The following LRRTM3 variants were observed in gnomAD, a reference collection of about 807,000 sequenced individuals.
LRRTM3 encodes leucine rich repeat transmembrane neuronal 3.
LRRTM3 carries 24 observed loss-of-function variants against 44.7 expected under a neutral mutation model. That is an observed-to-expected ratio of 0.54 (90% CI 0.39 to 0.76). LRRTM3 has a LOEUF of 0.76. LRRTM3 is among the 30% of genes least tolerant of loss of function. The pLI is 0.00. For missense variants in LRRTM3, 587 were observed against 702.2 expected (o/e 0.84, Z 1.85); for synonymous variants, 277 against 278.7 (o/e 0.99, Z 0.06).
chr10:66,988,030 ATAATT>A (rs766888171), intron 2 of LRRTM3, among the ~76,000 whole-genome samples: 1 of 152,192 alleles, frequency 6.6e-6, no homozygotes. Flanking sequence ...TTTATTTAAT[ATAATT>A]TAGTCTTTTT....
chr10:67,025,122 ACT>A (rs889633051), intron 2 of LRRTM3, among the ~76,000 whole-genome samples: 3 of 121,066 alleles, frequency 2.5e-5, no homozygotes, highest in African/African-American at 9.1e-5. Context: ...CAAGAGCAAA[ACT>A]CTGTCAAAAA....
At chr10:66,957,089 A>T (rs1848832440) in intron 2 of LRRTM3, among the ~76,000 whole-genome samples, 1 of 152,168 alleles carries the variant, frequency 6.6e-6, no homozygotes, top group African/African-American at 2.4e-5. Flanking sequence ...TATCTATCAC[A>T]CATTTCCTGA....
In LRRTM3 at chr10:67,060,663, C is replaced by T. The variant is rs577011607; in HGVS notation, c.1537-36924C>T. Among the ~76,000 whole-genome samples the T allele has an allele frequency of 2.3e-4, 35 of 151,704 alleles. No homozygotes were observed. The South Asian group carries it at 7.1e-3, about 31-fold the overall frequency. ...AGTTTCTCTTTCTTTACCATGGGTT[C>T]CTGTCTCTCTCTCTCTCTCTTCTTC... On this transcript the variant is annotated intron_variant, in intron 2 of 2. Transcript: ENST00000361320.
At chr10:67,066,412 C>T (rs953764348) in intron 2 of LRRTM3, among the ~76,000 whole-genome samples, 3 of 151,882 alleles carry the variant, frequency 2.0e-5, no homozygotes, top group South Asian at 4.2e-4. Context: ...AGGATGATCT[C>T]GATCTCTTGA....
intron 2 of LRRTM3, among the ~76,000 whole-genome samples, chr10:67,091,114 A>C (rs910263722): frequency 6.6e-6 from 1 of 152,038 alleles, no homozygotes; most frequent in Non-Finnish European, 1.5e-5. Flanking sequence ...ATAAAGGTCA[A>C]GCTTCATAGG....
chr10:66,954,659 A>C (rs1445779710), intron 2 of LRRTM3, among the ~76,000 whole-genome samples: 1 of 152,208 alleles, frequency 6.6e-6, no homozygotes, highest in Non-Finnish European at 1.5e-5. Flanking sequence ...TTTTTAGATA[A>C]ATTTGGATTA....
chr10:66,926,870 GATTA>G (rs750643913), intron 1 of LRRTM3, 47 bp from the exon 2 acceptor site: 23 of 1,483,194 alleles, frequency 1.6e-5, no homozygotes, highest in Admixed American at 2.4e-5. Flanking sequence ...CTTGATTAAG[GATTA>G]ATTCTTTTTT....
chr10:66,952,393 C>T (rs1432276251), intron 2 of LRRTM3, among the ~76,000 whole-genome samples: 1 of 152,176 alleles, frequency 6.6e-6, no homozygotes, highest in Non-Finnish European at 1.5e-5. Context: ...AGACAAAAGA[C>T]ATAAGCAACG....
At chr10:67,006,410 T>C (rs1851992553) in intron 2 of LRRTM3, among the ~76,000 whole-genome samples, 1 of 152,182 alleles carries the variant, frequency 6.6e-6, no homozygotes, top group Non-Finnish European at 1.5e-5. Context: ...TCTCCCTCTT[T>C]CTGTGCTATG....
chr10:67,094,972 TA>T (rs948899939), intron 2 of LRRTM3, among the ~76,000 whole-genome samples: 86 of 151,716 alleles, frequency 5.7e-4, no homozygotes, highest in African/African-American at 1.7e-3. Context: ...ATACCTGATT[TA>T]AATGATTTTG....
intron 2 of LRRTM3, chr10:67,052,777 A>G (rs1855192066): frequency 6.6e-6 from 1 of 152,206 alleles, no homozygotes; most frequent in African/African-American, 2.4e-5. Flanking sequence ...GAAACAAACA[A>G]AGTTTACAAA....
intron 2 of LRRTM3, among the ~76,000 whole-genome samples, chr10:67,021,321 G>C (rs10822961): frequency 6.6e-6 from 1 of 152,048 alleles, no homozygotes; most frequent in African/African-American, 2.4e-5. Flanking sequence ...ATAATTGTGA[G>C]GTTAAAATGT....
At position 67,002,953 on chromosome 10, in the gene LRRTM3, C is replaced by T. The variant is rs571284886; in HGVS notation, c.1536+74501C>T. Among the ~76,000 whole-genome samples, 13 of 152,226 alleles carry T rather than the reference C, an allele frequency of 8.5e-5. No individual in the cohort carries two copies. In the South Asian group the frequency reaches 2.1e-3, roughly 24 times the overall value. On this transcript the variant is annotated intron_variant, in intron 2 of 2. Coordinates refer to ENST00000361320, the MANE Select transcript of LRRTM3 (RefSeq NM_178011.5). Reference sequence around the variant, plus strand: ...TTTTCATTACCTAAAATATACTCTTCGTAAGACTTGTGGCTGCCGAATAAA... The same window carrying T: ...TTTTCATTACCTAAAATATACTCTTTGTAAGACTTGTGGCTGCCGAATAAA...
chr10:66,997,262 T>A (rs1333444366), intron 2 of LRRTM3, among the ~76,000 whole-genome samples: 2 of 152,150 alleles, frequency 1.3e-5, no homozygotes, highest in Admixed American at 6.6e-5. Context: ...CTTATAAAAA[T>A]GAATGTGACT....
intron 2 of LRRTM3, among the ~76,000 whole-genome samples, chr10:67,062,187 G>A (rs1205710923): frequency 3.5e-5 from 4 of 114,218 alleles, no homozygotes; most frequent in Non-Finnish European, 7.4e-5. Context: ...AGATAAGAAC[G>A]TTAAAACCCA....
At chr10:66,986,688 T>C (rs1589551347) in intron 2 of LRRTM3, among the ~76,000 whole-genome samples, 1 of 152,146 alleles carries the variant, frequency 6.6e-6, no homozygotes, top group Non-Finnish European at 1.5e-5. Flanking sequence ...AAGTCAACTT[T>C]TACAACTCCA....
chr10:66,997,355 T>C (rs1218789116), intron 2 of LRRTM3, among the ~76,000 whole-genome samples: 1 of 152,220 alleles, frequency 6.6e-6, no homozygotes, highest in East Asian at 1.9e-4. Flanking sequence ...AAATTCTTTC[T>C]TGTTTGTAAA....
chr10:67,008,605 G>T (rs907539554), intron 2 of LRRTM3, among the ~76,000 whole-genome samples: 2 of 152,176 alleles, frequency 1.3e-5, no homozygotes, highest in African/African-American at 2.4e-5. Flanking sequence ...TCATCTGCCA[G>T]TTTTGAAGGG....
chr10:66,986,930 A>C (rs1850760321), intron 2 of LRRTM3, among the ~76,000 whole-genome samples: 1 of 152,188 alleles, frequency 6.6e-6, no homozygotes, highest in Non-Finnish European at 1.5e-5. Flanking sequence ...CATGAAGTTT[A>C]TATTTGAATA....
Sources: gnomAD v4.1 joint callset for allele counts (sites outside exome capture counted in the v4.1 genomes callset) on GRCh38, gnomAD v4.1.1 for gene constraint, MANE v1.5 for transcripts, NCBI Gene and HGNC (gene_info 2026-07-23, HGNC 2026-07-21) for gene names.